The following PRKG1 variants were observed in gnomAD, a reference collection of about 807,000 sequenced individuals.
The protein encoded by PRKG1 is cGMP-dependent protein kinase 1.
In PRKG1, 35 loss-of-function variants were observed where a neutral mutation model predicts 88.1. The observed-to-expected ratio is 0.40, with a 90% CI of 0.30 to 0.53. The LOEUF (loss-of-function observed/expected upper bound fraction) is 0.53, where lower values mean the gene tolerates loss of function less well. Ranked by LOEUF, PRKG1 falls within the 20% of genes least tolerant of loss-of-function variation. PRKG1 has a pLI of 0.59. For missense variants in PRKG1, 540 were observed against 839.8 expected, an observed-to-expected ratio of 0.64 and a Z score of 4.41; for synonymous variants, 303 against 292.5, an observed-to-expected ratio of 1.04 and a Z score of -0.37.
chr10:51,552,802 T>C (rs1384130559), intron 3 of PRKG1, among the ~76,000 whole-genome samples: 1 of 151,656 alleles, frequency 6.6e-6, no homozygotes, highest in Non-Finnish European at 1.5e-5. Flanking sequence ...TATCAGTTAT[T>C]CACCATGAAG....
chr10:51,424,273 T>A (rs1838506386), intron 2 of PRKG1, among the ~76,000 whole-genome samples: 2 of 152,284 alleles, frequency 1.3e-5, no homozygotes, highest in African/African-American at 4.8e-5. Context: ...TATTTATATA[T>A]ACATGGATAT....
rs969718468 is a variant in PRKG1, at chr10:51,314,823, G to A, written c.479-152900G>A. ...TTCATATGCATTGTTACACTGTCTC[G>A]GAAAAGGCCATTTAAGTTTACAACA... On this transcript the variant is annotated intron_variant, in intron 2 of 17. Transcript: ENST00000373980. Among the ~76,000 whole-genome samples, 8 of 152,230 alleles carry A rather than the reference G, an allele frequency of 5.3e-5. No homozygotes were observed. In the East Asian group the frequency reaches 5.8e-4, roughly 11 times the overall value.
chr10:51,793,412 C>G (rs1454740564), intron 3 of PRKG1, among the ~76,000 whole-genome samples: 1 of 151,670 alleles, frequency 6.6e-6, no homozygotes, highest in East Asian at 1.9e-4. Context: ...GGGATAGCAT[C>G]AAAAGAATGA....
chr10:51,125,998 A>G (rs1845389786), intron 1 of PRKG1, among the ~76,000 whole-genome samples: 1 of 125,664 alleles, frequency 8.0e-6, no homozygotes, highest in African/African-American at 3.2e-5. Flanking sequence ...TATATAAATG[A>G]TATAATTTAT....
chr10:51,629,768 G>A (rs934163897), intron 3 of PRKG1, among the ~76,000 whole-genome samples: 6 of 152,212 alleles, frequency 3.9e-5, no homozygotes, highest in Middle Eastern at 3.4e-3. Flanking sequence ...AGTGGGTCGC[G>A]GATCCATTCC....
At chr10:52,248,881 CTT>C (rs1841092303) in intron 9 of PRKG1, among the ~76,000 whole-genome samples, 1 of 127,030 alleles carries the variant, frequency 7.9e-6, no homozygotes, top group South Asian at 3.1e-4. Context: ...TTGCCTTTCT[CTT>C]CTTTTCCTTC....
chr10:51,505,706 G>A (rs1841179760), intron 3 of PRKG1, among the ~76,000 whole-genome samples: 2 of 152,272 alleles, frequency 1.3e-5, no homozygotes, highest in Admixed American at 1.3e-4. Flanking sequence ...TTGGGAGGGT[G>A]CATGTGTCGA....
At chr10:51,697,665 T>A (rs1841334205) in intron 3 of PRKG1, 1 of 1,605,444 alleles carries the variant, frequency 6.2e-7, no homozygotes, top group South Asian at 1.1e-5. Context: ...CAGAATAAAA[T>A]TTGAGACTAC....
At chr10:51,612,482 A>G (rs1321472512) in intron 3 of PRKG1, among the ~76,000 whole-genome samples, 1 of 151,984 alleles carries the variant, frequency 6.6e-6, no homozygotes, top group Non-Finnish European at 1.5e-5. Context: ...TTGATTTTGT[A>G]TCTAGCAATT....
At chr10:51,970,760 C>A (rs928566816) in intron 5 of PRKG1, among the ~76,000 whole-genome samples, 1 of 141,528 alleles carries the variant, frequency 7.1e-6, no homozygotes, top group Admixed American at 7.1e-5. Flanking sequence ...TCAGATATAT[C>A]AGATTATATA....
chr10:51,555,959 T>C (rs1837299192), intron 3 of PRKG1, among the ~76,000 whole-genome samples: 1 of 150,882 alleles, frequency 6.6e-6, no homozygotes, highest in African/African-American at 2.4e-5. Context: ...CCCCATTTTC[T>C]CAAGCAGGAA....
chr10:51,545,388 T>C (rs1181139039), intron 3 of PRKG1, among the ~76,000 whole-genome samples: 1 of 152,170 alleles, frequency 6.6e-6, no homozygotes, highest in Non-Finnish European at 1.5e-5. Context: ...CATGGGAATT[T>C]GTGACTTACT....
intron 2 of PRKG1, among the ~76,000 whole-genome samples, chr10:51,272,332 G>T (rs1221383453): frequency 1.3e-5 from 2 of 150,310 alleles, no homozygotes; most frequent in Non-Finnish European, 3.0e-5. Context: ...ACAGGGAGGG[G>T]AACATCACAC....
At chr10:52,093,520 T>C (rs1217942277) in intron 7 of PRKG1, among the ~76,000 whole-genome samples, 3 of 152,116 alleles carry the variant, frequency 2.0e-5, no homozygotes, top group Non-Finnish European at 4.4e-5. Flanking sequence ...ACAAAATCAA[T>C]GTGAACTTCT....
At chr10:51,312,194 C>G (rs1841206286) in intron 2 of PRKG1, among the ~76,000 whole-genome samples, 1 of 152,130 alleles carries the variant, frequency 6.6e-6, no homozygotes. Flanking sequence ...TTCTAAGTCT[C>G]TTTGCAACAA....
At chr10:52,155,731 G>GGCCACACACACA (rs1470602419) in intron 8 of PRKG1, among the ~76,000 whole-genome samples, 22 of 27,096 alleles carry the variant, frequency 8.1e-4, no homozygotes, top group Non-Finnish European at 2.3e-3. Flanking sequence ...TATTGCCATT[G>GGCCACACACACA]GACACACACA....
intron 3 of PRKG1, chr10:51,697,116 A>C (rs1447243903): frequency 6.6e-6 from 1 of 152,260 alleles, no homozygotes; most frequent in African/African-American, 2.4e-5. Flanking sequence ...ACTTTAGAAA[A>C]AAACAATTCT....
At chr10:51,445,405 G>A (rs1170135653) in intron 2 of PRKG1, among the ~76,000 whole-genome samples, 1 of 150,260 alleles carries the variant, frequency 6.7e-6, no homozygotes, top group Non-Finnish European at 1.5e-5. Context: ...ATAAAAGTTA[G>A]CCTTTGATCA....
Position 52,229,182 on chromosome 10 carries a change from C to T in PRKG1, c.1077-22388C>T, listed in dbSNP as rs189421043. ...TTTCAAAATTTACCTCTGAGAATGT[C>T]CCCCCAATAAACATTACTCAAAGGG... On this transcript the variant is annotated intron_variant, in intron 9 of 17. Transcript: ENST00000373980. Among the ~76,000 whole-genome samples the T allele has an allele frequency of 3.7e-3, 568 of 152,010 alleles. 5 individuals carry two copies. Among genetic ancestry groups the T allele is most frequent in the Admixed American group, 8.7e-3 (132 of 15,260 alleles).
Sources: allele counts gnomAD v4.1 joint callset (sites outside exome capture counted in the v4.1 genomes callset), GRCh38; gene constraint gnomAD v4.1.1; transcripts MANE v1.5; gene names NCBI Gene and HGNC (gene_info 2026-07-23, HGNC 2026-07-21).